DDR1: variants seen among roughly 807,000 people sequenced by gnomAD.
The protein encoded by DDR1 is discoidin domain receptor tyrosine kinase 1.
In DDR1, 64 loss-of-function variants were observed where a neutral mutation model predicts 97.4. The ratio of observed to expected loss-of-function variants is 0.66; its 90% CI spans 0.54 to 0.81. The LOEUF (loss-of-function observed/expected upper bound fraction) is 0.81, where lower values mean the gene tolerates loss of function less well. Among genes scored for constraint, DDR1 ranks in the 30% least tolerant of loss-of-function variants. The pLI, the probability that DDR1 is intolerant of heterozygous loss-of-function variation, is 0.00. For missense variants in DDR1, 990 were observed against 1,259.6 expected (o/e 0.79, Z 3.24); for synonymous variants, 458 against 503.7 (o/e 0.91, Z 1.21).
chr6:30,884,346 C>G (rs1306516147), upstream of DDR1: 4 of 127,324 alleles, frequency 3.1e-5, no homozygotes, highest in Non-Finnish European at 6.5e-5. The surrounding 1 kb of genome is among the most constrained non-coding windows in gnomAD (Gnocchi z 6.1). Flanking sequence ...AGCTCGGCGC[C>G]GGGCGTGGGA....
rs1344508274 is a variant in DDR1 at position 30,900,097 on chromosome 6, T to G, written c.*801T>G. On this transcript the variant is annotated 3_prime_UTR_variant, in exon 18 of 18. Coordinates refer to ENST00000376568, the MANE Select transcript of DDR1 (RefSeq NM_001297654.2). ...TTTTACACTAATATATGGACCTAGC[T>G]TGAGGCAATTTTAATCCCCTGCACT... 2 of 596,244 alleles carry G rather than the reference T, an allele frequency of 3.4e-6. No homozygotes were observed. Among genetic ancestry groups the G allele is most frequent in the Non-Finnish European group, 6.5e-6 (2 of 307,680 alleles). 36.9% of individuals were successfully genotyped at this position (596,244 alleles called of 1,614,324 possible).
rs763733867 is a variant in DDR1, at chr6:30,889,291, G to A, written c.278G>A (p.Arg93Gln). 8 of 1,612,800 alleles carry A rather than the reference G, an allele frequency of 5.0e-6. No homozygotes were observed. The highest frequency in any genetic ancestry group is 1.3e-5 in the African/African-American group (1 of 74,882). Residue 93 changes from arginine (R) to glutamine (Q), a missense_variant, in exon 4 of 18, where the codon CGA (arginine) becomes CAA (glutamine). Coordinates refer to ENST00000376568, the MANE Select transcript of DDR1 (RefSeq NM_001297654.2). The surrounding 1 kb of genome is among the most constrained non-coding windows in gnomAD (Gnocchi z 4.9). ...EEEYLQVDLQRLHLVALVGTQ... is the reference protein window; with the variant it reads ...EEEYLQVDLQQLHLVALVGTQ... ...GAGTACTTGCAGGTGGATCTACAACGACTGCACCTGGTGGCTCTGGTGGGC... is the reference window on the plus strand; with the variant it reads ...GAGTACTTGCAGGTGGATCTACAACAACTGCACCTGGTGGCTCTGGTGGGC...
chr6:30,889,573 T>G lies in DDR1; in HGVS notation c.417+143T>G. 3.4e-6 allele frequency: 2 copies of G among 583,094 alleles called. No homozygotes were observed. Among genetic ancestry groups the G allele is most frequent in the Non-Finnish European group, 2.8e-6 (1 of 359,242 alleles). The allele number at this position is 583,094 out of a possible 1,614,324, so 36.1% of individuals were successfully genotyped here. On this transcript the variant is annotated intron_variant, in intron 4 of 17. Coordinates refer to ENST00000376568, the MANE Select transcript of DDR1 (RefSeq NM_001297654.2). This position sits in a 1 kb window ranked among gnomAD's most constrained non-coding sequence, Gnocchi z 4.9. ...CTCAGCTGAGCTCCAAACAATATTG[T>G]AAACCTGGCCACCTTTTGGATTTCT...
intron 8 of DDR1, 143 bp downstream of exon 8, chr6:30,892,685 A>G (rs1788975198): frequency 8.6e-7 from 1 of 1,158,726 alleles, no homozygotes; most frequent in African/African-American, 1.5e-5. Context: ...GGGTGCCCCA[A>G]ATAACTTGAG....
At chr6:30,884,340 C>T (rs1784951408), upstream of DDR1, 1 of 138,466 alleles carries the variant, frequency 7.2e-6, no homozygotes, top group Non-Finnish European at 1.6e-5. This position sits in a 1 kb window ranked among gnomAD's most constrained non-coding sequence, Gnocchi z 6.1. Flanking sequence ...GCCTGGAGCT[C>T]GGCGCCGGGC....
At chr6:30,882,952 C>T (rs1279074242), upstream of DDR1, 3 of 147,254 alleles carry the variant, frequency 2.0e-5, no homozygotes, top group African/African-American at 7.5e-5. This position sits in a 1 kb window ranked among gnomAD's most constrained non-coding sequence, Gnocchi z 4.8. Context: ...GTCTCCTGGG[C>T]CTAGATTCCC....
rs143367160 is a variant in DDR1 at position 30,892,536 on chromosome 6, A to T, written c.1093A>T (p.Ile365Phe). Residue 365 changes from isoleucine (I) to phenylalanine (F), a missense_variant, in exon 8 of 18, where the codon ATC becomes TTC. Ile to Phe is a conservative substitution (Grantham distance 21). Coordinates refer to ENST00000376568, the MANE Select transcript of DDR1 (RefSeq NM_001297654.2). ...PWLLFSEISFISDVVNNSSPA... is the reference protein window; with the variant it reads ...PWLLFSEISFFSDVVNNSSPA... ...GTTACTCTTCAGCGAAATCTCCTTCATCTCTGGTAAGCCCTGGAGTAGCCC... is the reference window on the plus strand; with the variant it reads ...GTTACTCTTCAGCGAAATCTCCTTCTTCTCTGGTAAGCCCTGGAGTAGCCC... 7,344 of 1,588,652 alleles carry T rather than the reference A, an allele frequency of 4.6e-3. 24 individuals are homozygous for T. Among genetic ancestry groups the T allele is most frequent in the Non-Finnish European group, 4.7e-3 (5,491 of 1,165,436 alleles).
At chr6:30,885,876 T>C in intron 1 of DDR1, 2 of 1,257,464 alleles carry the variant, frequency 1.6e-6, no homozygotes, top group Non-Finnish European at 2.1e-6. Flanking sequence ...TGAGTGGGAC[T>C]TGGGGGTTGG....
In DDR1 at chr6:30,889,114, C is replaced by A; in HGVS notation, c.189-88C>A. The A allele has an allele frequency of 6.3e-7, 1 of 1,575,518 alleles. No individual in the cohort carries two copies. The highest frequency in any genetic ancestry group is 1.1e-5 in the South Asian group (1 of 89,904). On this transcript the variant is annotated intron_variant, in intron 3 of 17. Transcript: ENST00000376568. This position sits in a 1 kb window ranked among gnomAD's most constrained non-coding sequence, Gnocchi z 4.9. ...CCCATGCCAGTGAAACCCCTGCAGG[C>A]TGAGGGGGCAAATGAAGTGGGGTTT...
upstream of DDR1, among the ~76,000 whole-genome samples, chr6:30,881,694 C>T (rs1409229617): frequency 1.3e-5 from 2 of 152,184 alleles, no homozygotes; most frequent in African/African-American, 4.8e-5. Context: ...TCCCAAACTT[C>T]AGTCTCCTCC....
Position 30,899,156 on chromosome 6 carries a change from G to C in DDR1, c.2602G>C (p.Val868Leu), listed in dbSNP as rs1325749736. The C allele has an allele frequency of 1.9e-6, 3 of 1,614,082 alleles. No individual in the cohort carries two copies. Among genetic ancestry groups the C allele is most frequent in the Non-Finnish European group, 2.5e-6 (3 of 1,180,030 alleles). ...TCTCATCCACACTGCCACAATGCAG[G>C]TGTACCTGTCCCGGCCGCCTGCCTG... ...GEFFRDQGRQ[V>L]YLSRPPACPQ... Residue 868 changes from valine (V) to leucine (L), a missense_variant and splice_region_variant, in exon 18 of 18, where the codon GTG (valine) becomes CTG (leucine). Coordinates refer to ENST00000376568, the MANE Select transcript of DDR1 (RefSeq NM_001297654.2).
chr6:30,885,983 T>G (rs1172204860), intron 1 of DDR1, among the ~76,000 whole-genome samples: 1 of 152,128 alleles, frequency 6.6e-6, no homozygotes. Context: ...GAAGGTCTTC[T>G]GGGCTTGTCC....
chr6:30,889,482 G>A lies in DDR1; in HGVS notation c.417+52G>A, dbSNP rs1787203305. 7.4e-7 allele frequency: 1 copy of A among 1,358,658 alleles called. No homozygotes were observed. The highest frequency in any genetic ancestry group is 9.8e-7 in the Non-Finnish European group (1 of 1,021,258). The allele number at this position is 1,358,658 out of a possible 1,614,324, so 84.2% of individuals were successfully genotyped here. A position where few individuals can be genotyped will look rare whatever the true frequency, so the allele number is the denominator to read the frequency against. On this transcript the variant is annotated intron_variant, in intron 4 of 17. Transcript: ENST00000376568. The surrounding 1 kb of genome is among the most constrained non-coding windows in gnomAD (Gnocchi z 4.9). ...AGGAGGTTGGCTCTCCTCACTTCCA[G>A]CTGTACTTTAAACACCACCTATACG...
At chr6:30,883,155 G>A, upstream of DDR1, 1 of 152,492 alleles carries the variant, frequency 6.6e-6, no homozygotes, top group Non-Finnish European at 1.5e-5. The surrounding 1 kb of genome is among the most constrained non-coding windows in gnomAD (Gnocchi z 4.9). Flanking sequence ...CCAAGGGCCA[G>A]CTTCTTCCTG....
Position 30,892,507 on chromosome 6 carries a change from C to T in DDR1, c.1064C>T (p.Pro355Leu). ...CAGTGCCGCTTCCTCTTTGCGGGGC[C>T]CTGGTTACTCTTCAGCGAAATCTCC... is the stretch of plus-strand genomic sequence containing the variant. ...FLQCRFLFAG[P>L]WLLFSEISFI... The change falls in exon 8 of 18, where the codon CCC becomes CTC. Residue 355 changes from proline to leucine, a missense_variant. Coordinates refer to ENST00000376568, the MANE Select transcript of DDR1 (RefSeq NM_001297654.2). The T allele has an allele frequency of 6.2e-7, 1 of 1,605,066 alleles. No homozygotes were observed. The highest frequency in any genetic ancestry group is 8.5e-7 in the Non-Finnish European group (1 of 1,175,004).
chr6:30,899,072 C>T (rs760409921), intron 17 of DDR1, 35 bp downstream of exon 17: 10 of 1,613,922 alleles, frequency 6.2e-6, no homozygotes, highest in East Asian at 2.2e-5. Flanking sequence ...GGGTCCGAGG[C>T]GGGGGACAGA....
rs776565631 is a variant in DDR1 at position 30,897,114 on chromosome 6, T to TA, written c.1971dup (p.Arg658ThrfsTer11). On this transcript the variant is annotated frameshift_variant, in exon 14 of 18. Coordinates refer to ENST00000376568, the MANE Select transcript of DDR1 (RefSeq NM_001297654.2). LOFTEE classifies it high-confidence loss of function. This position sits in a 1 kb window ranked among gnomAD's most constrained non-coding sequence, Gnocchi z 5.2. ...CCTTTGCTGGTAGCTGTCAAGATCT[T>TA]ACGGCCAGATGCCACCAAGAATGCC... The TA allele has an allele frequency of 3.1e-6, 5 of 1,613,798 alleles. No individual in the cohort carries two copies. Among genetic ancestry groups the TA allele is most frequent in the Non-Finnish European group, 4.2e-6 (5 of 1,179,970 alleles).
chr6:30,898,580 T>G, intron 16 of DDR1, among the ~76,000 whole-genome samples: 1 of 151,396 alleles, frequency 6.6e-6, no homozygotes, highest in Non-Finnish European at 1.5e-5. Context: ...AAGCTGGAGA[T>G]AGAAGGGGTT....
In DDR1 at chr6:30,892,565, C is replaced by T. The variant is rs199908944; in HGVS notation, c.1099+23C>T. ...CTGGTAAGCCCTGGAGTAGCCCAGTCTCCAGTCCCTGAAATTGACAACTGA... is the reference window on the plus strand; with the variant it reads ...CTGGTAAGCCCTGGAGTAGCCCAGTTTCCAGTCCCTGAAATTGACAACTGA... On this transcript the variant is annotated intron_variant, in intron 8 of 17. Coordinates refer to ENST00000376568, the MANE Select transcript of DDR1 (RefSeq NM_001297654.2). 6,881 of 1,538,744 alleles carry T rather than the reference C, an allele frequency of 4.5e-3. 23 individuals are homozygous for T. Among genetic ancestry groups the T allele is most frequent in the South Asian group, 6.4e-3 (523 of 81,334 alleles).
Sources: gnomAD v4.1 joint callset for allele counts (sites outside exome capture counted in the v4.1 genomes callset) on GRCh38, gnomAD v4.1.1 for gene constraint, Gnocchi (gnomAD v3.1) non-coding constraint, MANE v1.5 for transcripts, NCBI Gene and HGNC (gene_info 2026-07-23, HGNC 2026-07-21) for gene names.